The following CREB1 variants were observed in gnomAD, a reference collection of about 807,000 sequenced individuals.
CREB1 encodes cAMP responsive element binding protein 1.
CREB1 carries 2 observed loss-of-function variants against 42.0 expected under a neutral mutation model. The ratio of observed to expected loss-of-function variants is 0.05; its 90% CI spans 0.02 to 0.15. The LOEUF (loss-of-function observed/expected upper bound fraction) is 0.15, where lower values mean the gene tolerates loss of function less well. Ranked by LOEUF, CREB1 falls within the 10% of genes least tolerant of loss-of-function variation. The pLI, the probability that CREB1 is intolerant of heterozygous loss-of-function variation, is 1.00. For synonymous variants in CREB1, 123 were observed against 139.9 expected, an observed-to-expected ratio of 0.88 and a Z score of 0.85; for missense variants, 199 against 388.9, an observed-to-expected ratio of 0.51 and a Z score of 4.11.
intron 1 of CREB1, among the ~76,000 whole-genome samples, chr2:207,533,146 T>G (rs2080722405): frequency 6.6e-6 from 1 of 152,166 alleles, no homozygotes; most frequent in Admixed American, 6.5e-5. Flanking sequence ...TGACAGAGTT[T>G]GCTTGAAGAA....
At chr2:207,577,158 C>T (rs1026181701) in intron 6 of CREB1, 2 of 1,008,804 alleles carry the variant, frequency 2.0e-6, no homozygotes, top group Non-Finnish European at 2.4e-6. Flanking sequence ...CAAAGGAAGA[C>T]ACTGAGGACT....
intron 2 of CREB1, among the ~76,000 whole-genome samples, chr2:207,557,599 A>G (rs1479409000): frequency 6.6e-6 from 1 of 152,032 alleles, no homozygotes; most frequent in African/African-American, 2.4e-5. Context: ...GGAGAATGTC[A>G]TGAACCCGAG....
chr2:207,599,608 C>G lies in CREB1; in HGVS notation c.*2550C>G. 1 of 199,252 alleles carries G rather than the reference C, an allele frequency of 5.0e-6. No individual in the cohort carries two copies. Among genetic ancestry groups the G allele is most frequent in the Non-Finnish European group, 1.0e-5 (1 of 96,464 alleles). 12.3% of individuals were successfully genotyped at this position (199,252 alleles called of 1,614,324 possible). ...CTTAATGATGAGGTGAGAAATGTAT[C>G]CTGTTGCTAAATCTGTCTTAGACCC... On this transcript the variant is annotated 3_prime_UTR_variant, in exon 8 of 8. Transcript: ENST00000353267.
intron 2 of CREB1, chr2:207,559,404 TG>T: frequency 2.0e-6 from 1 of 490,794 alleles, no homozygotes; most frequent in Non-Finnish European, 2.6e-6. Context: ...TGAATTGTAT[TG>T]TGTCTCTTTT....
At chr2:207,538,414 T>C (rs2080962069) in intron 1 of CREB1, among the ~76,000 whole-genome samples, 1 of 152,132 alleles carries the variant, frequency 6.6e-6, no homozygotes, top group Non-Finnish European at 1.5e-5. Context: ...AAATAAACAG[T>C]AGTACTCCTT....
chr2:207,572,850 C>G (rs2082425464), intron 5 of CREB1, among the ~76,000 whole-genome samples: 1 of 151,902 alleles, frequency 6.6e-6, no homozygotes, highest in Non-Finnish European at 1.5e-5. Context: ...CAAATTAAAG[C>G]ATATCCTCCG....
At chr2:207,536,064 C>T (rs1347713112) in intron 1 of CREB1, among the ~76,000 whole-genome samples, 1 of 152,110 alleles carries the variant, frequency 6.6e-6, no homozygotes, top group African/African-American at 2.4e-5. Context: ...CCACCTGCCT[C>T]AGCCTCCCAA....
intron 5 of CREB1, among the ~76,000 whole-genome samples, chr2:207,571,042 A>C (rs2082339803): frequency 9.9e-5 from 1 of 10,052 alleles, no homozygotes; most frequent in African/African-American, 1.4e-4. Context: ...TTTGCCTCTC[A>C]AAGTGCTTTA....
rs2087815694 is a variant in CREB1, at chr2:207,604,839, T to C, written c.*7781T>C. Among the ~76,000 whole-genome samples, 1 of 152,250 alleles carries C rather than the reference T, an allele frequency of 6.6e-6. No homozygotes were observed. The highest frequency in any genetic ancestry group is 1.5e-5 in the Non-Finnish European group (1 of 68,044). On this transcript the variant is annotated 3_prime_UTR_variant, in exon 8 of 8. Transcript: ENST00000353267. Reference sequence around the variant, plus strand: ...CATGTGAGACTCATACACTGTGTATTACTTCTTTCGTCTAGCTTTAATGTG... The same window carrying C: ...CATGTGAGACTCATACACTGTGTATCACTTCTTTCGTCTAGCTTTAATGTG...
intron 4 of CREB1, chr2:207,568,186 ATCTTCCT>A (rs2082212852): frequency 6.6e-6 from 1 of 152,150 alleles, no homozygotes; most frequent in Admixed American, 6.5e-5. Context: ...ACTCATAATT[ATCTTCCT>A]TGTTAGTGTA....
At chr2:207,567,119 C>T (rs901678918) in intron 3 of CREB1, among the ~76,000 whole-genome samples, 3 of 151,890 alleles carry the variant, frequency 2.0e-5, no homozygotes, top group African/African-American at 7.3e-5. Context: ...AATATTTAGC[C>T]ATCCATTTTA....
chr2:207,555,352 CT>C (rs1050405255), intron 1 of CREB1, among the ~76,000 whole-genome samples: 4 of 152,142 alleles, frequency 2.6e-5, no homozygotes, highest in Non-Finnish European at 4.4e-5. Context: ...AGAGAAGAAT[CT>C]TTTATTTCTA....
In CREB1 at chr2:207,581,934, T is replaced by A. The variant is rs889509948; in HGVS notation, c.839+4279T>A. Reference sequence around the variant, plus strand: ...TTTAGAATATCCCTCAGTTTGCATTTGTCCAGTGTTTTCTATGGATAGATT... The same window carrying A: ...TTTAGAATATCCCTCAGTTTGCATTAGTCCAGTGTTTTCTATGGATAGATT... On this transcript the variant is annotated intron_variant, in intron 7 of 7. Coordinates refer to ENST00000353267, the MANE Select transcript of CREB1 (RefSeq NM_004379.5). 8.5e-6 allele frequency: 6 copies of A among 702,896 alleles called. No individual in the cohort carries two copies. In the African/African-American group the frequency reaches 1.0e-4, roughly 12 times the overall value. The allele number at this position is 702,896 out of a possible 1,614,324, so 43.5% of individuals were successfully genotyped here.
chr2:207,575,176 C>G (rs1574875015), intron 5 of CREB1, 96 bp from the exon 6 acceptor site: 3 of 1,285,864 alleles, frequency 2.3e-6, no homozygotes, highest in African/African-American at 2.9e-5. Flanking sequence ...TGTAACTTCT[C>G]CTAGATTATT....
chr2:207,603,647 T>C lies in CREB1; in HGVS notation c.*6589T>C, dbSNP rs543492089. 6.6e-6 allele frequency among the ~76,000 whole-genome samples: 1 copy of C among 152,274 alleles called. No homozygotes were observed. Among genetic ancestry groups the C allele is most frequent in the South Asian group, 2.1e-4 (1 of 4,824 alleles). ...TTTCAATAAGATTGAACAGTGCCTA[T>C]TTGTGGATTTGGAGATGTTACTGTC... On this transcript the variant is annotated 3_prime_UTR_variant, in exon 8 of 8. Transcript: ENST00000353267.
At chr2:207,588,738 TTTTTG>T (rs1258169660) in intron 7 of CREB1, among the ~76,000 whole-genome samples, 1 of 130,740 alleles carries the variant, frequency 7.6e-6, no homozygotes, top group Admixed American at 7.4e-5. Flanking sequence ...GTTTTTTTTT[TTTTTG>T]TGTGTGGGGG....
intron 3 of CREB1, among the ~76,000 whole-genome samples, chr2:207,562,440 C>T (rs1359123343): frequency 6.6e-6 from 1 of 152,116 alleles, no homozygotes; most frequent in African/African-American, 2.4e-5. Context: ...ATAATTTGGA[C>T]ATGAAGATTT....
chr2:207,555,238 C>T (rs1036051562), intron 1 of CREB1, among the ~76,000 whole-genome samples: 8 of 152,160 alleles, frequency 5.3e-5, no homozygotes, highest in African/African-American at 1.7e-4. Flanking sequence ...CATTAGCTCA[C>T]TTCCACTCTT....
chr2:207,556,790 C>T (rs1392032595), intron 2 of CREB1, among the ~76,000 whole-genome samples: 1 of 152,156 alleles, frequency 6.6e-6, no homozygotes, highest in Non-Finnish European at 1.5e-5. Flanking sequence ...AATATAGGGT[C>T]AACAGATAAG....
Sources: gnomAD v4.1 joint callset for allele counts (sites outside exome capture counted in the v4.1 genomes callset) on GRCh38, gnomAD v4.1.1 for gene constraint, MANE v1.5 for transcripts, NCBI Gene and HGNC (gene_info 2026-07-23, HGNC 2026-07-21) for gene names.